Variants in GPC6 observed in about 807,000 individuals in gnomAD.
GPC6 encodes the protein glypican 6.
In GPC6, 14 loss-of-function variants were observed where a neutral mutation model predicts 55.2. The observed-to-expected ratio is 0.25, with a 90% CI of 0.17 to 0.40. GPC6 has a LOEUF of 0.40. Among genes scored for constraint, GPC6 ranks in the 10% least tolerant of loss-of-function variants. The probability of loss-of-function intolerance (pLI) is 1.00; values close to 1 mark genes in which losing one functional copy is unlikely to be tolerated. For synonymous variants in GPC6, 278 were observed against 259.6 expected, an observed-to-expected ratio of 1.07 and a Z score of -0.68; for missense variants, 641 against 708.5, an observed-to-expected ratio of 0.90 and a Z score of 1.08.
At chr13:93,858,875 G>A (rs1888716017) in intron 3 of GPC6, among the ~76,000 whole-genome samples, 1 of 151,420 alleles carries the variant, frequency 6.6e-6, no homozygotes, top group Non-Finnish European at 1.5e-5. Flanking sequence ...AAAAAGGGAA[G>A]GGAGACATTG....
intron 2 of GPC6, among the ~76,000 whole-genome samples, chr13:93,560,651 C>T (rs554489140): frequency 2.0e-5 from 3 of 151,688 alleles, no homozygotes; most frequent in South Asian, 2.1e-4. Flanking sequence ...GTCAGGAGAT[C>T]GAGAACATCC....
chr13:93,539,518 G>A lies in GPC6; in HGVS notation c.161-5745G>A, dbSNP rs183967698. Among the ~76,000 whole-genome samples the A allele has an allele frequency of 1.3e-3, 204 of 152,228 alleles. 2 individuals are homozygous for A. The highest frequency in any genetic ancestry group is 0.012 in the Admixed American group (183 of 15,272). On this transcript the variant is annotated intron_variant, in intron 1 of 8. Transcript: ENST00000377047. ...TGTGTTTTAGGGGAGGGTCCATAGAGTCGGGCTCACGCGGAATTGGATGCT... is the reference window on the plus strand; with the variant it reads ...TGTGTTTTAGGGGAGGGTCCATAGAATCGGGCTCACGCGGAATTGGATGCT...
intron 1 of GPC6, among the ~76,000 whole-genome samples, chr13:93,535,988 A>G (rs1882047225): frequency 6.6e-6 from 1 of 152,164 alleles, no homozygotes; most frequent in Admixed American, 6.5e-5. Context: ...ACTTTGCATG[A>G]AAGATTTACT....
At chr13:93,693,520 C>G (rs963321601) in intron 2 of GPC6, among the ~76,000 whole-genome samples, 2 of 149,084 alleles carry the variant, frequency 1.3e-5, no homozygotes, top group Non-Finnish European at 3.0e-5. Context: ...CAGGCTCTTA[C>G]TCTGTTGCCC....
intron 1 of GPC6, among the ~76,000 whole-genome samples, chr13:93,304,678 T>A (rs930578779): frequency 6.6e-6 from 1 of 152,204 alleles, no homozygotes; most frequent in Non-Finnish European, 1.5e-5. Context: ...GAGGGACTAC[T>A]TCACTATGGA....
intron 1 of GPC6, among the ~76,000 whole-genome samples, chr13:93,533,733 T>C (rs1222361908): frequency 6.6e-6 from 1 of 152,116 alleles, no homozygotes; most frequent in Non-Finnish European, 1.5e-5. Flanking sequence ...CACATTCTAA[T>C]CTTCCTGGGG....
chr13:93,442,984 C>CTCTT (rs1276390649), intron 1 of GPC6, among the ~76,000 whole-genome samples: 2 of 152,024 alleles, frequency 1.3e-5, no homozygotes, highest in Non-Finnish European at 2.9e-5. Context: ...TAAGAGTTTT[C>CTCTT]TAGGTCTTGT....
chr13:93,252,149 G>C (rs1167446610), intron 1 of GPC6, among the ~76,000 whole-genome samples: 2 of 152,170 alleles, frequency 1.3e-5, no homozygotes, highest in African/African-American at 4.8e-5. Flanking sequence ...ATCTGAGATG[G>C]AGCCCAAATT....
intron 1 of GPC6, among the ~76,000 whole-genome samples, chr13:93,499,542 T>C (rs1470250876): frequency 6.6e-6 from 1 of 152,206 alleles, no homozygotes; most frequent in Non-Finnish European, 1.5e-5. Flanking sequence ...TGACTTCATA[T>C]GCCAGTCATA....
intron 2 of GPC6, among the ~76,000 whole-genome samples, chr13:93,778,920 T>C (rs1885550295): frequency 6.6e-6 from 1 of 152,232 alleles, no homozygotes; most frequent in Non-Finnish European, 1.5e-5. Context: ...CAGAGAACTG[T>C]AGCCAATCCA....
chr13:94,227,835 C>G (rs1371951698), intron 4 of GPC6, among the ~76,000 whole-genome samples: 1 of 152,040 alleles, frequency 6.6e-6, no homozygotes, highest in Non-Finnish European at 1.5e-5. Flanking sequence ...CTGCCAATCA[C>G]CGAGGTAGAA....
intron 3 of GPC6, among the ~76,000 whole-genome samples, chr13:93,844,035 A>T (rs962377703): frequency 6.6e-6 from 1 of 152,204 alleles, no homozygotes; most frequent in East Asian, 1.9e-4. Context: ...ATCTGTGGTT[A>T]AAGAACACAT....
intron 2 of GPC6, among the ~76,000 whole-genome samples, chr13:93,627,119 A>G (rs1027438018): frequency 6.6e-6 from 1 of 151,952 alleles, no homozygotes. Context: ...CCCATTACCT[A>G]CATTAGGTAT....
At chr13:93,678,682 C>T (rs1474942179) in intron 2 of GPC6, among the ~76,000 whole-genome samples, 6 of 152,148 alleles carry the variant, frequency 3.9e-5, no homozygotes, top group Non-Finnish European at 7.4e-5. Flanking sequence ...CACTCACCTA[C>T]CACTTCAGGA....
At chr13:94,136,613 G>A (rs1887195178) in intron 4 of GPC6, among the ~76,000 whole-genome samples, 1 of 152,156 alleles carries the variant, frequency 6.6e-6, no homozygotes, top group South Asian at 2.1e-4. Flanking sequence ...GGGAGGCTGA[G>A]GCAGGAGAAT....
chr13:94,136,355 G>T (rs1034998117), intron 4 of GPC6, among the ~76,000 whole-genome samples: 2 of 152,142 alleles, frequency 1.3e-5, no homozygotes, highest in African/African-American at 4.8e-5. Context: ...AAGAGGCCAG[G>T]CATGGCGATA....
intron 1 of GPC6, among the ~76,000 whole-genome samples, chr13:93,537,453 C>T (rs1882105758): frequency 6.6e-6 from 1 of 152,084 alleles, no homozygotes; most frequent in Non-Finnish European, 1.5e-5. Flanking sequence ...TTGTGGACAT[C>T]AATCAGTTAT....
chr13:93,311,037 T>C (rs1031752389), intron 1 of GPC6, among the ~76,000 whole-genome samples: 1 of 152,136 alleles, frequency 6.6e-6, no homozygotes, highest in Admixed American at 6.5e-5. Flanking sequence ...AAATGAAGAG[T>C]TGGGTCTCAA....
At chr13:94,290,452 A>G (rs1380511977) in intron 5 of GPC6, among the ~76,000 whole-genome samples, 1 of 151,492 alleles carries the variant, frequency 6.6e-6, no homozygotes, top group African/African-American at 2.4e-5. Context: ...AAAAAAAAGA[A>G]AAAGAAAAAA....
Sources: allele counts gnomAD v4.1 joint callset (sites outside exome capture counted in the v4.1 genomes callset), GRCh38; gene constraint gnomAD v4.1.1; transcripts MANE v1.5; gene names NCBI Gene and HGNC (gene_info 2026-07-23, HGNC 2026-07-21).